The following CALN1 variants were observed in gnomAD, a reference collection of about 807,000 sequenced individuals.
CALN1 encodes the protein calneuron 1.
A neutral mutation model predicts 30.6 loss-of-function variants in CALN1; 17 were observed. The ratio of observed to expected loss-of-function variants is 0.56; its 90% CI spans 0.38 to 0.83. CALN1 has a LOEUF of 0.83. Among genes scored for constraint, CALN1 ranks in the 40% least tolerant of loss-of-function variants. The pLI, the probability that CALN1 is intolerant of heterozygous loss-of-function variation, is 0.00. For missense variants in CALN1, 291 were observed against 354.9 expected (o/e 0.82, Z 1.45); for synonymous variants, 156 against 131.4 (o/e 1.19, Z -1.28).
chr7:71,796,831 C>T (rs535813024), intron 6 of CALN1, among the ~76,000 whole-genome samples: 3 of 152,260 alleles, frequency 2.0e-5, no homozygotes, highest in East Asian at 1.9e-4. Context: ...GAGGCTGCCG[C>T]GGGAGGACAC....
intron 5 of CALN1, among the ~76,000 whole-genome samples, chr7:71,862,131 C>G (rs71551227): frequency 6.6e-6 from 1 of 152,220 alleles, no homozygotes; most frequent in African/African-American, 2.4e-5. Context: ...AACAACTAGC[C>G]TCTCATAAAT....
At chr7:72,313,985 C>CA (rs1327671054) in intron 2 of CALN1, among the ~76,000 whole-genome samples, 1 of 152,182 alleles carries the variant, frequency 6.6e-6, no homozygotes, top group African/African-American at 2.4e-5. Context: ...ACAGGGCAGA[C>CA]AGACAGAGCC....
intron 2 of CALN1, among the ~76,000 whole-genome samples, chr7:72,355,297 G>C (rs560012896): frequency 6.6e-6 from 1 of 152,176 alleles, no homozygotes; most frequent in African/African-American, 2.4e-5. Context: ...AGGCCAAAGC[G>C]GGCGGACCAC....
rs142353488 is a variant in CALN1, at chr7:72,321,107, T to C, written c.120-42297A>G. 2.0e-4 allele frequency among the ~76,000 whole-genome samples: 31 copies of C among 152,350 alleles called. No individual in the cohort carries two copies. In the East Asian group the frequency reaches 6.0e-3, roughly 29 times the overall value. On this transcript the variant is annotated intron_variant, in intron 2 of 6. Transcript: ENST00000395275. Reference sequence around the variant, plus strand: ...CTCAATCTTTATGCTCACTTTCAGCTGCCCCCTAAGACTTCACCTATTCAA... The same window carrying C: ...CTCAATCTTTATGCTCACTTTCAGCCGCCCCCTAAGACTTCACCTATTCAA...
chr7:71,987,985 C>T (rs558172312), intron 5 of CALN1, among the ~76,000 whole-genome samples: 3 of 152,226 alleles, frequency 2.0e-5, no homozygotes, highest in South Asian at 2.1e-4. Flanking sequence ...GAAGGGAGGC[C>T]GTGTCAGTCA....
chr7:72,184,896 G>C (rs901091905), intron 3 of CALN1, among the ~76,000 whole-genome samples: 1 of 151,920 alleles, frequency 6.6e-6, no homozygotes, highest in Non-Finnish European at 1.5e-5. Context: ...GGACTCAAGT[G>C]ATCCCCCATC....
At chr7:72,409,011 G>A (rs531127997) in intron 1 of CALN1, among the ~76,000 whole-genome samples, 16 of 151,568 alleles carry the variant, frequency 1.1e-4, no homozygotes, top group East Asian at 4.0e-4. Flanking sequence ...GGGGGGCAGC[G>A]GTGGAACAGA....
chr7:72,336,743 C>A (rs1229302034), intron 2 of CALN1: 5 of 985,228 alleles, frequency 5.1e-6, no homozygotes, highest in Non-Finnish European at 6.0e-6. Flanking sequence ...GCAGCCGAGG[C>A]GCCTCCGCAC....
intron 5 of CALN1, among the ~76,000 whole-genome samples, chr7:71,993,526 G>A (rs559793584): frequency 2.0e-5 from 3 of 149,762 alleles, no homozygotes; most frequent in South Asian, 4.2e-4. Flanking sequence ...GTACAATCTC[G>A]GCTCACTGCA....
intron 2 of CALN1, among the ~76,000 whole-genome samples, chr7:72,350,726 A>C (rs1429784552): frequency 1.3e-5 from 2 of 152,166 alleles, no homozygotes; most frequent in Non-Finnish European, 2.9e-5. Flanking sequence ...AAATCCTTGC[A>C]AGACTCAATT....
chr7:72,045,560 T>C (rs1371681215), intron 4 of CALN1, among the ~76,000 whole-genome samples: 1 of 152,134 alleles, frequency 6.6e-6, no homozygotes, highest in Non-Finnish European at 1.5e-5. Context: ...ACAGGGTCTC[T>C]TTCTGTTGCC....
chr7:71,816,116 T>C (rs945538874), intron 5 of CALN1, among the ~76,000 whole-genome samples: 40 of 151,870 alleles, frequency 2.6e-4, no homozygotes, highest in African/African-American at 9.7e-4. Flanking sequence ...GCCATCCTCC[T>C]GCCTTGCTTG....
chr7:72,068,523 T>A (rs115589474), intron 4 of CALN1, among the ~76,000 whole-genome samples: 1,852 of 152,334 alleles, frequency 0.012, 25 homozygotes, highest in African/African-American at 0.043. Flanking sequence ...AGTCTTACTC[T>A]GTTACCCAAG....
At chr7:72,298,031 C>CA (rs758059225) in intron 2 of CALN1, among the ~76,000 whole-genome samples, 9 of 152,096 alleles carry the variant, frequency 5.9e-5, no homozygotes, top group Non-Finnish European at 8.8e-5. Context: ...TTTTTAGCTA[C>CA]AAAATCACAT....
At chr7:71,811,086 G>A (rs1243002274) in intron 5 of CALN1, among the ~76,000 whole-genome samples, 2 of 151,100 alleles carry the variant, frequency 1.3e-5, no homozygotes, top group Admixed American at 6.6e-5. Context: ...TAGTAGAGAC[G>A]GGGTTTCACC....
chr7:71,915,292 C>G (rs112767513), intron 5 of CALN1, among the ~76,000 whole-genome samples: 82 of 152,348 alleles, frequency 5.4e-4, no homozygotes, highest in Middle Eastern at 3.4e-3. Context: ...GAGGTCATCT[C>G]AGTGGGACTT....
chr7:71,793,850 C>A (rs1786725648), intron 6 of CALN1, among the ~76,000 whole-genome samples: 1 of 150,454 alleles, frequency 6.6e-6, no homozygotes, highest in African/African-American at 2.5e-5. Flanking sequence ...GGTGACAGAG[C>A]AAGACTGTCT....
intron 6 of CALN1, among the ~76,000 whole-genome samples, chr7:71,802,878 C>T (rs928001014): frequency 5.3e-5 from 8 of 151,936 alleles, no homozygotes; most frequent in Non-Finnish European, 8.8e-5. Context: ...CAAAAATTAG[C>T]CGGGCATGGT....
chr7:72,392,062 G>C (rs759369425), intron 2 of CALN1, among the ~76,000 whole-genome samples: 1 of 152,160 alleles, frequency 6.6e-6, no homozygotes, highest in Non-Finnish European at 1.5e-5. Flanking sequence ...CTCTTGGAAG[G>C]CTCACTGAGA....
Sources: allele counts gnomAD v4.1 joint callset (sites outside exome capture counted in the v4.1 genomes callset), GRCh38; gene constraint gnomAD v4.1.1; transcripts MANE v1.5; gene names NCBI Gene and HGNC (gene_info 2026-07-23, HGNC 2026-07-21).